Variants in TSPEAR observed in about 807,000 individuals in gnomAD.
The protein encoded by TSPEAR is thrombospondin-type laminin G domain and EAR repeat-containing protein.
TSPEAR carries 69 observed loss-of-function variants against 71.6 expected under a neutral mutation model. That is an observed-to-expected ratio of 0.96 (90% CI 0.79 to 1.18). The LOEUF is 1.18. TSPEAR is among the 50% of genes most tolerant of loss of function. TSPEAR has a pLI of 0.00. For missense variants in TSPEAR, 971 were observed against 894.9 expected, an observed-to-expected ratio of 1.09 and a Z score of -1.09; for synonymous variants, 402 against 387.2, an observed-to-expected ratio of 1.04 and a Z score of -0.45.
intron 1 of TSPEAR, among the ~76,000 whole-genome samples, chr21:44,578,307 T>C (rs1978601417): frequency 6.6e-6 from 1 of 152,182 alleles, no homozygotes. Context: ...GGCAAATGAC[T>C]GGAAATGCAT....
chr21:44,649,445 G>A (rs782618237), intron 1 of TSPEAR, among the ~76,000 whole-genome samples: 2 of 152,000 alleles, frequency 1.3e-5, no homozygotes, highest in Non-Finnish European at 2.9e-5. Flanking sequence ...TGATTTCTTG[G>A]TTCCCAAACG....
rs587712807 is a variant in TSPEAR at position 44,623,205 on chromosome 21, G to A, written c.83-55200C>T. Among the ~76,000 whole-genome samples, 2 of 152,262 alleles carry A rather than the reference G, an allele frequency of 1.3e-5. No homozygotes were observed. The highest frequency in any genetic ancestry group is 3.9e-4 in the East Asian group (2 of 5,188). On this transcript the variant is annotated intron_variant, in intron 1 of 11. Coordinates refer to ENST00000323084, the MANE Select transcript of TSPEAR (RefSeq NM_144991.3). This position sits in a 1 kb window ranked among gnomAD's most constrained non-coding sequence, Gnocchi z 4.5. ...CCAGCTTAACACAGTGAGGTTCTGG[G>A]TGGATATGACTTTTGGGGAGGCAAG...
At chr21:44,533,262 C>T (rs1382040383) in intron 3 of TSPEAR, among the ~76,000 whole-genome samples, 4 of 152,236 alleles carry the variant, frequency 2.6e-5, no homozygotes, top group East Asian at 1.9e-4. Flanking sequence ...CACCTGTTCT[C>T]GCCAATGTCC....
At chr21:44,697,627 C>G (rs1428808707) in intron 1 of TSPEAR, 1 of 1,613,884 alleles carries the variant, frequency 6.2e-7, no homozygotes, top group Non-Finnish European at 8.5e-7. Context: ...CAGCTTGCTG[C>G]ATCTCCTCCC....
chr21:44,668,501 C>CA (rs1555945316), intron 1 of TSPEAR, among the ~76,000 whole-genome samples: 1 of 152,198 alleles, frequency 6.6e-6, no homozygotes, highest in Non-Finnish European at 1.5e-5. Context: ...CAATCCCTGT[C>CA]AAAATCCCAA....
chr21:44,583,216 C>T (rs782086096), intron 1 of TSPEAR, among the ~76,000 whole-genome samples: 13 of 152,148 alleles, frequency 8.5e-5, no homozygotes, highest in Non-Finnish European at 1.5e-4. Flanking sequence ...ATTAAACAGC[C>T]CTGGCTGGGG....
At chr21:44,678,874 G>T (rs782667859) in intron 1 of TSPEAR, among the ~76,000 whole-genome samples, 2 of 152,078 alleles carry the variant, frequency 1.3e-5, no homozygotes, top group African/African-American at 4.8e-5. Flanking sequence ...ATCCATGAAG[G>T]CTAAAACAAC....
At chr21:44,579,988 A>C (rs1555924717) in intron 1 of TSPEAR, 4 of 1,613,196 alleles carry the variant, frequency 2.5e-6, no homozygotes, top group Non-Finnish European at 3.4e-6. Flanking sequence ...GGCAGCATGA[A>C]GTGGAAGCCC....
intron 1 of TSPEAR, chr21:44,580,572 C>G (rs145432474): frequency 3.1e-6 from 5 of 1,609,180 alleles, no homozygotes; most frequent in Middle Eastern, 1.7e-4. Context: ...ATGGTGCACG[C>G]GGCCATGCTG....
chr21:44,612,158 T>C lies in TSPEAR; in HGVS notation c.83-44153A>G. On this transcript the variant is annotated intron_variant, in intron 1 of 11. Transcript: ENST00000323084. This position sits in a 1 kb window ranked among gnomAD's most constrained non-coding sequence, Gnocchi z 4.1. The stretch of plus-strand genomic sequence containing the variant: ...GATTGCTGCATCCACCATGTCTGTC[T>C]GCTCCAGTGACGTGGGCCATGTCAG... The C allele has an allele frequency of 6.2e-7, 1 of 1,614,120 alleles. No homozygotes were observed. The highest frequency in any genetic ancestry group is 8.5e-7 in the Non-Finnish European group (1 of 1,180,000).
intron 2 of TSPEAR, among the ~76,000 whole-genome samples, chr21:44,545,741 A>G (rs1407808191): frequency 2.6e-5 from 4 of 152,188 alleles, no homozygotes; most frequent in Non-Finnish European, 5.9e-5. Flanking sequence ...ACCAAAACTT[A>G]TGAGATGCAG....
chr21:44,644,324 G>A (rs139627944), intron 1 of TSPEAR, among the ~76,000 whole-genome samples: 299 of 152,230 alleles, frequency 2.0e-3, no homozygotes, highest in African/African-American at 5.0e-3. Context: ...CCACTAATAC[G>A]ATGTCACCCT....
chr21:44,655,709 G>A (rs587609762), intron 1 of TSPEAR, among the ~76,000 whole-genome samples: 2 of 152,280 alleles, frequency 1.3e-5, no homozygotes, highest in East Asian at 1.9e-4. Flanking sequence ...TGGATGACAC[G>A]CTCCTCCTCA....
intron 1 of TSPEAR, among the ~76,000 whole-genome samples, chr21:44,620,043 C>G (rs1370466004): frequency 6.6e-6 from 1 of 152,178 alleles, no homozygotes; most frequent in Non-Finnish European, 1.5e-5. Flanking sequence ...ACAGTATAAT[C>G]AAACTCTCAA....
At chr21:44,598,339 G>A (rs1980509131) in intron 1 of TSPEAR, among the ~76,000 whole-genome samples, 1 of 152,218 alleles carries the variant, frequency 6.6e-6, no homozygotes, top group African/African-American at 2.4e-5. Context: ...GGACACAGGG[G>A]CAGGATCACG....
intron 1 of TSPEAR, chr21:44,591,661 C>A (rs782362313): frequency 6.2e-7 from 1 of 1,612,328 alleles, no homozygotes; most frequent in Non-Finnish European, 8.5e-7. Context: ...AGCCCCAGAG[C>A]AGACGGGCAC....
intron 8 of TSPEAR, among the ~76,000 whole-genome samples, chr21:44,523,289 TTCAG>T (rs587745285): frequency 3.7e-4 from 56 of 150,026 alleles, no homozygotes; most frequent in African/African-American, 1.0e-3. Context: ...CAGTGAGGTA[TTCAG>T]TCAGTCAGTC....
intron 1 of TSPEAR, among the ~76,000 whole-genome samples, chr21:44,696,814 C>T (rs576720898): frequency 3.3e-5 from 5 of 152,294 alleles, no homozygotes; most frequent in Admixed American, 2.0e-4. Context: ...CACGGCCCCA[C>T]GGTCCCGCTC....
chr21:44,626,899 G>A (rs1454092782), intron 1 of TSPEAR, among the ~76,000 whole-genome samples: 1 of 151,932 alleles, frequency 6.6e-6, no homozygotes, highest in Non-Finnish European at 1.5e-5. Flanking sequence ...CCCAACTCCT[G>A]CCCCTGAGGT....
Sources: allele counts gnomAD v4.1 joint callset (sites outside exome capture counted in the v4.1 genomes callset), GRCh38; gene constraint gnomAD v4.1.1; non-coding constraint Gnocchi (gnomAD v3.1); transcripts MANE v1.5; gene names NCBI Gene and HGNC (gene_info 2026-07-23, HGNC 2026-07-21).